The following SLC7A7 variants were observed in gnomAD, a reference collection of about 807,000 sequenced individuals.
SLC7A7 encodes solute carrier family 7 member 7, also known as Y+L amino acid transporter 1.
Under a neutral mutation model 47.9 loss-of-function variants are expected in SLC7A7, and 39 were observed. That is an observed-to-expected ratio of 0.81 (90% confidence interval 0.63 to 1.06). SLC7A7 has a LOEUF of 1.06. Among genes scored for constraint, SLC7A7 ranks in the 50% least tolerant of loss-of-function variants. SLC7A7 has a pLI of 0.00. For missense variants in SLC7A7, 588 were observed against 632.0 expected, an observed-to-expected ratio of 0.93 and a Z score of 0.75; for synonymous variants, 234 against 242.8, an observed-to-expected ratio of 0.96 and a Z score of 0.34.
At chr14:22,804,964 G>A (rs2039176195) in intron 2 of SLC7A7, among the ~76,000 whole-genome samples, 1 of 152,200 alleles carries the variant, frequency 6.6e-6, no homozygotes. Flanking sequence ...CCGAGATTGT[G>A]CCATTGCACT....
intron 2 of SLC7A7, among the ~76,000 whole-genome samples, chr14:22,786,018 T>C: frequency 7.4e-5 from 6 of 81,096 alleles, no homozygotes; most frequent in African/African-American, 8.5e-5. Flanking sequence ...CGAGACTCTG[T>C]CTCAAAAAAA....
intron 2 of SLC7A7, among the ~76,000 whole-genome samples, chr14:22,783,439 C>T (rs1189117980): frequency 6.6e-6 from 1 of 150,610 alleles, no homozygotes; most frequent in African/African-American, 2.4e-5. Flanking sequence ...CTTGCTCCGT[C>T]CCCCAGGCTG....
At chr14:22,782,252 G>A (rs925967027) in intron 2 of SLC7A7, among the ~76,000 whole-genome samples, 16 of 151,590 alleles carry the variant, frequency 1.1e-4, no homozygotes, top group African/African-American at 3.9e-4. Flanking sequence ...ACAGGTGTGC[G>A]CCACTATGCC....
chr14:22,817,721 C>CCT (rs1434146015), upstream of SLC7A7, among the ~76,000 whole-genome samples: 2 of 152,246 alleles, frequency 1.3e-5, no homozygotes, highest in African/African-American at 4.8e-5. Flanking sequence ...AACTGATCCA[C>CCT]CTGCTTCTGC....
intron 1 of SLC7A7, 54 bp from the exon 2 acceptor site, chr14:22,813,494 C>A (rs1372957097): frequency 7.0e-7 from 1 of 1,431,652 alleles, no homozygotes; most frequent in Non-Finnish European, 9.6e-7. Flanking sequence ...TTACATAGAA[C>A]CTCTACCCGC....
chr14:22,775,383 C>T (rs1434011652), intron 7 of SLC7A7, 61 bp downstream of exon 7: 14 of 1,280,920 alleles, frequency 1.1e-5, no homozygotes, highest in Non-Finnish European at 1.6e-5. Flanking sequence ...ACAGTCGCTT[C>T]TGCTGTTACT....
At chr14:22,788,512 G>A (rs539923252) in intron 2 of SLC7A7, among the ~76,000 whole-genome samples, 13 of 151,322 alleles carry the variant, frequency 8.6e-5, no homozygotes, top group Admixed American at 2.0e-4. Flanking sequence ...AGATCAGCCT[G>A]GCCAACATGG....
At chr14:22,798,397 C>T (rs1007931293) in intron 2 of SLC7A7, among the ~76,000 whole-genome samples, 1 of 152,148 alleles carries the variant, frequency 6.6e-6, no homozygotes, top group Non-Finnish European at 1.5e-5. Context: ...TGATTGAATC[C>T]TGCCTGATTC....
Position 22,773,579 on chromosome 14 carries a change from C to G in SLC7A7, c.*31G>C. 1 of 1,587,616 alleles carries G rather than the reference C, an allele frequency of 6.3e-7. No homozygotes were observed. The highest frequency in any genetic ancestry group is 1.1e-5 in the South Asian group (1 of 90,490). ...GCTCTAGCCAGTAGACCAGAAACCC[C>G]TGCTTTCCACATCAGGATTCCAGAT... On this transcript the variant is annotated 3_prime_UTR_variant, in exon 10 of 10. Transcript: ENST00000674313.
chr14:22,787,571 C>T (rs1740986692), intron 2 of SLC7A7, among the ~76,000 whole-genome samples: 1 of 149,976 alleles, frequency 6.7e-6, no homozygotes, highest in Non-Finnish European at 1.5e-5. Flanking sequence ...GGCAATATGG[C>T]AAAACCCCAT....
intron 2 of SLC7A7, among the ~76,000 whole-genome samples, chr14:22,802,044 G>A (rs754098335): frequency 5.9e-5 from 9 of 152,150 alleles, no homozygotes; most frequent in Non-Finnish European, 8.8e-5. Flanking sequence ...CCTCCTCACA[G>A]TAAATGATAT....
chr14:22,789,203 C>T (rs1050278530), intron 2 of SLC7A7, among the ~76,000 whole-genome samples: 24 of 152,194 alleles, frequency 1.6e-4, no homozygotes, highest in African/African-American at 5.3e-4. Flanking sequence ...TGCTCATCCA[C>T]CTCCGGTGGA....
At chr14:22,819,064 G>A (rs958563616), upstream of SLC7A7, among the ~76,000 whole-genome samples, 2 of 152,184 alleles carry the variant, frequency 1.3e-5, no homozygotes, top group African/African-American at 4.8e-5. Flanking sequence ...CCTCCAGTAT[G>A]CAGTGCTGGG....
upstream of SLC7A7, among the ~76,000 whole-genome samples, chr14:22,817,725 C>G (rs2039426597): frequency 1.3e-5 from 2 of 152,244 alleles, no homozygotes; most frequent in African/African-American, 4.8e-5. Flanking sequence ...GATCCACCTG[C>G]TTCTGCCTCC....
intron 2 of SLC7A7, among the ~76,000 whole-genome samples, chr14:22,789,685 G>A (rs2038891063): frequency 1.3e-5 from 2 of 150,808 alleles, no homozygotes; most frequent in Admixed American, 1.3e-4. Flanking sequence ...CTAATCAAGT[G>A]ACAAAACAGG....
intron 1 of SLC7A7, among the ~76,000 whole-genome samples, chr14:22,814,159 C>T (rs8003565): frequency 0.96 from 145,148 of 151,874 alleles, 69,692 homozygotes; most frequent in East Asian, 1. Context: ...ATCATTAGGA[C>T]ATTGCTGCCC....
At chr14:22,781,119 C>T (rs1340420662) in intron 2 of SLC7A7, among the ~76,000 whole-genome samples, 1 of 152,028 alleles carries the variant, frequency 6.6e-6, no homozygotes. Flanking sequence ...GAGGGCTTAA[C>T]TTTAAAGCCC....
At chr14:22,785,979 G>T (rs1314801832) in intron 2 of SLC7A7, among the ~76,000 whole-genome samples, 1 of 138,910 alleles carries the variant, frequency 7.2e-6, no homozygotes, top group Non-Finnish European at 1.5e-5. Flanking sequence ...CCGAGATTGC[G>T]CCACTGCACT....
At chr14:22,786,933 C>T (rs2038827596) in intron 2 of SLC7A7, among the ~76,000 whole-genome samples, 1 of 152,124 alleles carries the variant, frequency 6.6e-6, no homozygotes, top group African/African-American at 2.4e-5. Context: ...AAGATCCTTT[C>T]TCCAAAACAA....
Sources: gnomAD v4.1 joint callset for allele counts (sites outside exome capture counted in the v4.1 genomes callset) on GRCh38, gnomAD v4.1.1 for gene constraint, MANE v1.5 for transcripts, NCBI Gene and HGNC (gene_info 2026-07-23, HGNC 2026-07-21) for gene names.